The following PDZRN3 variants were observed in gnomAD, a reference collection of about 807,000 sequenced individuals.
PDZRN3 encodes the protein PDZ domain containing ring finger 3.
Under a neutral mutation model 85.7 loss-of-function variants are expected in PDZRN3, and 38 were observed. That is an observed-to-expected ratio of 0.44 (90% CI 0.34 to 0.58). The LOEUF (loss-of-function observed/expected upper bound fraction) is 0.58, where lower values mean the gene tolerates loss of function less well. Among genes scored for constraint, PDZRN3 ranks in the 20% least tolerant of loss-of-function variants. The pLI is 0.01. For missense variants in PDZRN3, 1,629 were observed against 1,506.4 expected, an observed-to-expected ratio of 1.08 and a Z score of -1.35; for synonymous variants, 759 against 638.0, an observed-to-expected ratio of 1.19 and a Z score of -2.86.
intron 3 of PDZRN3, among the ~76,000 whole-genome samples, chr3:73,545,871 G>A (rs1701411246): frequency 1.3e-5 from 2 of 152,106 alleles, no homozygotes; most frequent in African/African-American, 2.4e-5. Flanking sequence ...CACTTATTGC[G>A]GGGAGGAGGG....
At chr3:73,387,850 T>C (rs996103343) in intron 8 of PDZRN3, 118 bp downstream of exon 8, 2 of 613,398 alleles carry the variant, frequency 3.3e-6, no homozygotes, top group Non-Finnish European at 5.8e-6. Context: ...TGATTACATT[T>C]CCAGGGAACA....
chr3:73,460,247 G>GA (rs777164849), intron 3 of PDZRN3, among the ~76,000 whole-genome samples: 3 of 152,180 alleles, frequency 2.0e-5, no homozygotes, highest in Admixed American at 6.5e-5. Context: ...TCCTGTCACT[G>GA]AAAAAATATA....
intron 1 of PDZRN3, among the ~76,000 whole-genome samples, chr3:73,610,975 C>T (rs1315644934): frequency 6.6e-6 from 1 of 152,180 alleles, no homozygotes; most frequent in African/African-American, 2.4e-5. Flanking sequence ...TTACCATCCT[C>T]ATGATATAGG....
chr3:73,571,178 T>A (rs1702040876), intron 3 of PDZRN3, among the ~76,000 whole-genome samples: 1 of 152,238 alleles, frequency 6.6e-6, no homozygotes, highest in South Asian at 2.1e-4. Flanking sequence ...CTATTGTACT[T>A]TCTCTACCAT....
intron 3 of PDZRN3, among the ~76,000 whole-genome samples, chr3:73,442,810 G>A (rs1428482723): frequency 6.6e-6 from 1 of 152,106 alleles, no homozygotes; most frequent in Non-Finnish European, 1.5e-5. Flanking sequence ...TTGAGATGGG[G>A]TATGTGGTCC....
At chr3:73,387,566 TC>T (rs1391740549) in intron 8 of PDZRN3, among the ~76,000 whole-genome samples, 2 of 152,234 alleles carry the variant, frequency 1.3e-5, no homozygotes, top group Non-Finnish European at 2.9e-5. Flanking sequence ...ATTCAATGTT[TC>T]TTTTAATTTG....
chr3:73,399,847 T>C (rs1701714538), intron 5 of PDZRN3, among the ~76,000 whole-genome samples: 1 of 152,220 alleles, frequency 6.6e-6, no homozygotes, highest in African/African-American at 2.4e-5. Context: ...AGTCCTTTGA[T>C]TTGACTGTAT....
At chr3:73,575,198 G>T (rs1702104780) in intron 3 of PDZRN3, among the ~76,000 whole-genome samples, 1 of 152,098 alleles carries the variant, frequency 6.6e-6, no homozygotes, top group Non-Finnish European at 1.5e-5. Flanking sequence ...AATTACACAG[G>T]TACTTCTTGA....
At chr3:73,515,382 T>C (rs903017766) in intron 3 of PDZRN3, among the ~76,000 whole-genome samples, 21 of 152,134 alleles carry the variant, frequency 1.4e-4, no homozygotes, top group African/African-American at 4.8e-4. Context: ...TTCACCATGT[T>C]AGCCAGGATG....
At chr3:73,593,707 T>TACACACAC (rs201574221) in intron 3 of PDZRN3, among the ~76,000 whole-genome samples, 56 of 100,984 alleles carry the variant, frequency 5.5e-4, no homozygotes, top group Middle Eastern at 5.4e-3. Context: ...CCGAAATAAA[T>TACACACAC]ATACACACAC....
intron 3 of PDZRN3, among the ~76,000 whole-genome samples, chr3:73,485,300 TA>T (rs1288273851): frequency 6.7e-6 from 1 of 149,518 alleles, no homozygotes; most frequent in African/African-American, 2.4e-5. Context: ...AATATCAAAA[TA>T]ATTTATATTA....
intron 3 of PDZRN3, among the ~76,000 whole-genome samples, chr3:73,594,846 G>A (rs987184478): frequency 6.6e-6 from 1 of 152,158 alleles, no homozygotes; most frequent in African/African-American, 2.4e-5. Flanking sequence ...AAAAGATGGA[G>A]ATGTACTGAC....
chr3:73,468,201 G>A (rs2106879276), intron 3 of PDZRN3, among the ~76,000 whole-genome samples: 1 of 152,236 alleles, frequency 6.6e-6, no homozygotes, highest in African/African-American at 2.4e-5. Context: ...TCAGAGAGAT[G>A]GCACACTGTT....
chr3:73,458,864 C>T (rs1156370983), intron 3 of PDZRN3, among the ~76,000 whole-genome samples: 7 of 151,722 alleles, frequency 4.6e-5, no homozygotes, highest in East Asian at 1.9e-4. Flanking sequence ...TAGTGGCACA[C>T]GCCTGTAGCC....
At chr3:73,529,298 G>A (rs1422323030) in intron 3 of PDZRN3, among the ~76,000 whole-genome samples, 2 of 152,188 alleles carry the variant, frequency 1.3e-5, no homozygotes, top group Non-Finnish European at 2.9e-5. Flanking sequence ...CGGCACCCTT[G>A]CCACTGGCCA....
intron 3 of PDZRN3, among the ~76,000 whole-genome samples, chr3:73,512,056 C>G (rs1161920277): frequency 6.6e-6 from 1 of 152,218 alleles, no homozygotes; most frequent in East Asian, 1.9e-4. Flanking sequence ...GTTGTTAATT[C>G]CATGACAAAT....
At chr3:73,511,884 C>G (rs1443832347) in intron 3 of PDZRN3, among the ~76,000 whole-genome samples, 1 of 152,198 alleles carries the variant, frequency 6.6e-6, no homozygotes, top group Admixed American at 6.5e-5. Context: ...GGCGAATACA[C>G]AATATTTCCA....
At chr3:73,496,571 TAAAA>T (rs56806571) in intron 3 of PDZRN3, among the ~76,000 whole-genome samples, 1 of 150,244 alleles carries the variant, frequency 6.7e-6, no homozygotes, top group Non-Finnish European at 1.5e-5. Context: ...AAAGAGGACT[TAAAA>T]AAAAACAAAA....
chr3:73,554,141 A>C (rs547787527), intron 3 of PDZRN3, among the ~76,000 whole-genome samples: 1 of 152,276 alleles, frequency 6.6e-6, no homozygotes, highest in African/African-American at 2.4e-5. Context: ...AATGGCCACC[A>C]CTTAGGTCAG....
Sources: allele counts gnomAD v4.1 joint callset (sites outside exome capture counted in the v4.1 genomes callset), GRCh38; gene constraint gnomAD v4.1.1; transcripts MANE v1.5; gene names NCBI Gene and HGNC (gene_info 2026-07-23, HGNC 2026-07-21).